The following C4orf54 variants were observed in gnomAD, a reference collection of about 807,000 sequenced individuals.
The protein encoded by C4orf54 is uncharacterized protein C4orf54.
In C4orf54, 67 loss-of-function variants were observed where a neutral mutation model predicts 80.1. The ratio of observed to expected loss-of-function variants is 0.84; its 90% CI spans 0.69 to 1.03. The LOEUF is 1.03. Among genes scored for constraint, C4orf54 ranks in the 50% least tolerant of loss-of-function variants. C4orf54 has a pLI of 0.00. For synonymous variants in C4orf54, 1,000 were observed against 917.0 expected, an observed-to-expected ratio of 1.09 and a Z score of -1.64; for missense variants, 2,434 against 2,253.5, an observed-to-expected ratio of 1.08 and a Z score of -1.62.
At chr4:99,642,727 T>C (rs769618509) in intron 2 of C4orf54, among the ~76,000 whole-genome samples, 2 of 152,226 alleles carry the variant, frequency 1.3e-5, no homozygotes, top group Non-Finnish European at 2.9e-5. Context: ...GATGAAGGGA[T>C]GACTACCCTG....
In C4orf54 at chr4:99,651,754, C is replaced by A; in HGVS notation, c.2895G>T (p.Lys965Asn). The change falls in exon 2 of 3, where the codon AAG (lysine) becomes AAT (asparagine). Residue 965 changes from lysine (K) to asparagine (N), a missense_variant. Physicochemically the swap from Lys to Asn is moderately conservative, Grantham distance 94. Transcript: ENST00000511828. ...CCCGCCAGTCGCCTCCTTTGGGCAG[C>A]TTCAGCTTCCCTATAGGGGCTTGTT... The part of the protein sequence containing the change: ...REEQAPIGKL[K>N]LPKGGDWRAD... 1 of 1,536,092 alleles carries A rather than the reference C, an allele frequency of 6.5e-7. No individual in the cohort carries two copies. Among genetic ancestry groups the A allele is most frequent in the Non-Finnish European group, 8.7e-7 (1 of 1,146,906 alleles).
rs871321 is a variant in C4orf54, at chr4:99,657,506, C to A, written c.-43G>T. Reference sequence around the variant, plus strand: ...ACAGTAGTACTTACCTCCAAAGTATCTGTGTGGCTCCTTTACTGCTTTCTA... The same window carrying A: ...ACAGTAGTACTTACCTCCAAAGTATATGTGTGGCTCCTTTACTGCTTTCTA... On this transcript the variant is annotated 5_prime_UTR_variant, in exon 1 of 3. Coordinates refer to ENST00000511828, the MANE Select transcript of C4orf54 (RefSeq NM_001354435.2). Among the ~76,000 whole-genome samples, 1,290 of 152,224 alleles carry A rather than the reference C, an allele frequency of 8.5e-3. 15 individuals are homozygous for A. Among genetic ancestry groups the A allele is most frequent in the African/African-American group, 0.029 (1,223 of 41,532 alleles).
At position 99,650,664 on chromosome 4, in the gene C4orf54, CA is replaced by C. The variant is rs1560638171; in HGVS notation, c.3984del (p.Gly1329ValfsTer9). The stretch of plus-strand genomic sequence containing the variant: ...ATGGGGGCCCCTCGCAGGACCACAC[CA>C]GCTTTGTTTCCTGTGCCCCGCTCTT... ...EVEERGTGNKAGVVLRGAPIE... is the reference protein window; with the variant it reads ...EVEERGTGNKXGVVLRGAPIE... On this transcript the variant is annotated frameshift_variant, in exon 2 of 3. Coordinates refer to ENST00000511828, the MANE Select transcript of C4orf54 (RefSeq NM_001354435.2). LOFTEE classifies it high-confidence loss of function. The C allele has an allele frequency of 2.6e-6, 4 of 1,536,094 alleles. No homozygotes were observed. Among genetic ancestry groups the C allele is most frequent in the Non-Finnish European group, 3.5e-6 (4 of 1,146,898 alleles).
chr4:99,656,378 C>A (rs909593530), intron 1 of C4orf54, among the ~76,000 whole-genome samples: 12 of 151,602 alleles, frequency 7.9e-5, no homozygotes, highest in African/African-American at 2.9e-4. Context: ...CTCTCGGGTT[C>A]AAGCAATTCT....
Position 99,654,010 on chromosome 4 carries a change from A to C in C4orf54, c.639T>G (p.Leu213=). Residue 213 remains leucine (L), a synonymous_variant, in exon 2 of 3, where the codon CTT becomes CTG. Transcript: ENST00000511828. ...VQRESPQTMK[L]TLGHCPGGQR... is the part of the protein sequence containing the mutation. Reference sequence around the variant, plus strand: ...GACCCCCAGGGCAGTGCCCCAGGGTAAGTTTCATGGTCTGGGGACTCTCCC... The same window carrying C: ...GACCCCCAGGGCAGTGCCCCAGGGTCAGTTTCATGGTCTGGGGACTCTCCC... The C allele has an allele frequency of 1.3e-6, 2 of 1,536,028 alleles. No individual in the cohort carries two copies. Among genetic ancestry groups the C allele is most frequent in the Non-Finnish European group, 1.7e-6 (2 of 1,146,890 alleles).
Position 99,652,193 on chromosome 4 carries a change from T to C in C4orf54, c.2456A>G (p.Lys819Arg). The C allele has an allele frequency of 6.5e-7, 1 of 1,536,024 alleles. No individual in the cohort carries two copies. Among genetic ancestry groups the C allele is most frequent in the Non-Finnish European group, 8.7e-7 (1 of 1,146,870 alleles). ...GAACTCGTGTTCCCGCTGCATCTTCTTGGAAATGACATTTTTGAGCAGACT... is the reference window on the plus strand; with the variant it reads ...GAACTCGTGTTCCCGCTGCATCTTCCTGGAAATGACATTTTTGAGCAGACT... ...ASSLLKNVIS[K>R]KMQREHEFKM... is the part of the protein sequence containing the mutation. The change falls in exon 2 of 3, where the codon AAG (lysine) becomes AGG (arginine). Residue 819 changes from lysine to arginine, a missense_variant. Transcript: ENST00000511828.
Position 99,650,340 on chromosome 4 carries a change from A to G in C4orf54, c.4309T>C (p.Ser1437Pro). The G allele has an allele frequency of 3.9e-6, 6 of 1,535,862 alleles. No individual in the cohort carries two copies. Among genetic ancestry groups the G allele is most frequent in the Non-Finnish European group, 5.2e-6 (6 of 1,146,854 alleles). The change falls in exon 2 of 3, where the codon TCC (serine) becomes CCC (proline). Residue 1437 changes from serine to proline, a missense_variant. Physicochemically the swap from Ser to Pro is moderately conservative, Grantham distance 74. Transcript: ENST00000511828. ...AKGIKSQGLR[S>P]LKISPATRAP... is the part of the protein sequence containing the mutation. ...CGGGTGGCTGGAGAGATCTTGAGGG[A>G]CCGGAGTCCCTGCGACTTGATGCCC... is the stretch of plus-strand genomic sequence containing the variant.
rs886728302 is a variant in C4orf54, at chr4:99,653,192, C to A, written c.1457G>T (p.Gly486Val). Residue 486 changes from glycine to valine, a missense_variant, in exon 2 of 3, where the codon GGC becomes GTC. By Grantham distance (109) the Gly-to-Val change is moderately radical. Transcript: ENST00000511828. ...CAAGGGCTCAGTCAGGGGGGCAGTG[C>A]CAGGCCCAGTGGGTGGGGGAGTGGG... Reference protein sequence around the residue: ...SGPTPPPTGPGTAPLTEPLPE... With the variant: ...SGPTPPPTGPVTAPLTEPLPE... 1.3e-6 allele frequency: 2 copies of A among 1,535,682 alleles called. No homozygotes were observed. The highest frequency in any genetic ancestry group is 1.7e-6 in the Non-Finnish European group (2 of 1,146,750).
chr4:99,650,283 T>C lies in C4orf54; in HGVS notation c.4366A>G (p.Ser1456Gly), dbSNP rs1726783681. 2.0e-6 allele frequency: 3 copies of C among 1,535,934 alleles called. No homozygotes were observed. Among genetic ancestry groups the C allele is most frequent in the African/African-American group, 2.7e-5 (2 of 72,998 alleles). ...TTGCTCTTCTCCAAATTGCTGCCAC[T>C]TTTCCTGTTGGTCACCTCATCAGGA... is the stretch of plus-strand genomic sequence containing the variant. Reference protein sequence around the residue: ...APPDEVTNRKSGSNLEKSNSD... With the variant: ...APPDEVTNRKGGSNLEKSNSD... The change falls in exon 2 of 3, where the codon AGT becomes GGT. Residue 1456 changes from serine (S) to glycine (G), a missense_variant. Transcript: ENST00000511828.
chr4:99,651,109 G>T lies in C4orf54; in HGVS notation c.3540C>A (p.Ser1180Arg), dbSNP rs1184326076. Residue 1180 changes from serine (S) to arginine (R), a missense_variant, in exon 2 of 3, where the codon AGC becomes AGA. Coordinates refer to ENST00000511828, the MANE Select transcript of C4orf54 (RefSeq NM_001354435.2). The stretch of plus-strand genomic sequence containing the variant: ...CTGGGGAGGAAGAATTCAAGACTCT[G>T]CTGCCGCCCCCTTTGCCCATGCTTT... ...PRESMGKGGG[S>R]RVLNSSSPEG... The T allele has an allele frequency of 6.5e-7, 1 of 1,536,142 alleles. No homozygotes were observed. The highest frequency in any genetic ancestry group is 2.0e-5 in the Admixed American group (1 of 51,010).
At position 99,637,437 on chromosome 4, in the gene C4orf54, C is replaced by T. The variant is rs12641768; in HGVS notation, c.*3796G>A. The T allele has an allele frequency of 4.6e-5, 7 of 151,834 alleles. No homozygotes were observed. Among genetic ancestry groups the T allele is most frequent in the Non-Finnish European group, 8.8e-5 (6 of 67,940 alleles). The allele number at this position is 151,834 out of a possible 1,614,324, so 9.4% of individuals were successfully genotyped here. A position where few individuals can be genotyped will look rare whatever the true frequency, so the allele number is the denominator to read the frequency against. The stretch of plus-strand genomic sequence containing the variant: ...GGACATGTTTTTTTCCCAGAGGACC[C>T]GAGTCTGCAATTCTGATTAGATTCA... On this transcript the variant is annotated 3_prime_UTR_variant, in exon 3 of 3. Coordinates refer to ENST00000511828, the MANE Select transcript of C4orf54 (RefSeq NM_001354435.2).
chr4:99,652,316 C>T lies in C4orf54; in HGVS notation c.2333G>A (p.Gly778Asp). The change falls in exon 2 of 3, where the codon GGT becomes GAT. Residue 778 changes from glycine to aspartate, a missense_variant. Gly to Asp is a moderately conservative substitution (Grantham distance 94). Transcript: ENST00000511828. ...PGRATKGPGK[G>D]PGSAYTDDGS... The stretch of plus-strand genomic sequence containing the variant: ...GTCGTCCGTGTATGCCGACCCGGGA[C>T]CCTTGCCGGGGCCTTTGGTGGCCCT... 6.5e-7 allele frequency: 1 copy of T among 1,535,866 alleles called. No homozygotes were observed. Among genetic ancestry groups the T allele is most frequent in the Non-Finnish European group, 8.7e-7 (1 of 1,146,822 alleles).
chr4:99,654,224 C>T lies in C4orf54; in HGVS notation c.425G>A (p.Gly142Glu). The change falls in exon 2 of 3, where the codon GGG (glycine) becomes GAG (glutamate). Residue 142 changes from glycine (G) to glutamate (E), a missense_variant. Transcript: ENST00000511828. ...AGGAGGGGCAGCTTCCATTATGAGC[C>T]CTTGCCCAGGTTTCAGCGACAGGAA... ...CLFLSLKPGQGLIMEAAPPEL... is the reference protein window; with the variant it reads ...CLFLSLKPGQELIMEAAPPEL... 6.5e-7 allele frequency: 1 copy of T among 1,536,154 alleles called. No individual in the cohort carries two copies. Among genetic ancestry groups the T allele is most frequent in the Non-Finnish European group, 8.7e-7 (1 of 1,146,902 alleles).
Position 99,652,807 on chromosome 4 carries a change from G to C in C4orf54, c.1842C>G (p.Ser614Arg), listed in dbSNP as rs1012875500. The C allele has an allele frequency of 1.3e-6, 2 of 1,536,080 alleles. No homozygotes were observed. The highest frequency in any genetic ancestry group is 2.0e-5 in the Admixed American group (1 of 51,004). ...DYSSGASSAV[S>R]ELDDADKEVR... is the part of the protein sequence containing the mutation. ...CCTCTTTGTCCGCATCGTCCAGTTC[G>C]CTCACGGCACTGGAGGCTCCGCTGG... Residue 614 changes from serine to arginine, a missense_variant, in exon 2 of 3, where the codon AGC (serine) becomes AGG (arginine). By Grantham distance (110) the Ser-to-Arg change is moderately radical. Coordinates refer to ENST00000511828, the MANE Select transcript of C4orf54 (RefSeq NM_001354435.2).
At position 99,650,677 on chromosome 4, in the gene C4orf54, T is replaced by G; in HGVS notation, c.3972A>C (p.Thr1324=). 6.5e-7 allele frequency: 1 copy of G among 1,536,134 alleles called. No individual in the cohort carries two copies. The highest frequency in any genetic ancestry group is 8.7e-7 in the Non-Finnish European group (1 of 1,146,912). ...GCAGGACCACACCAGCTTTGTTTCC[T>G]GTGCCCCGCTCTTCCACCTCACCCA... The part of the protein sequence containing the change: ...KRLGEVEERG[T]GNKAGVVLRG... Residue 1324 remains threonine, a synonymous_variant, in exon 2 of 3, where the codon ACA becomes ACC. Coordinates refer to ENST00000511828, the MANE Select transcript of C4orf54 (RefSeq NM_001354435.2).
chr4:99,649,455 C>G lies in C4orf54; in HGVS notation c.5194G>C (p.Gly1732Arg). ...FTEAPYFMAS[G>R]QSPASSTSSA... ...GAGGTTGAGGAGGCCGGAGACTGACCAGAAGCCATGAAGTATGGGGCCTCG... is the reference window on the plus strand; with the variant it reads ...GAGGTTGAGGAGGCCGGAGACTGACGAGAAGCCATGAAGTATGGGGCCTCG... The change falls in exon 2 of 3, where the codon GGT becomes CGT. Residue 1732 changes from glycine to arginine, a missense_variant. Physicochemically the swap from Gly to Arg is moderately radical, Grantham distance 125. Coordinates refer to ENST00000511828, the MANE Select transcript of C4orf54 (RefSeq NM_001354435.2). 1.3e-6 allele frequency: 2 copies of G among 1,536,160 alleles called. No homozygotes were observed. The highest frequency in any genetic ancestry group is 1.7e-6 in the Non-Finnish European group (2 of 1,146,928).
At chr4:99,645,195 G>A (rs755829349) in intron 2 of C4orf54, among the ~76,000 whole-genome samples, 11 of 151,842 alleles carry the variant, frequency 7.2e-5, no homozygotes, top group Admixed American at 1.3e-4. Context: ...CAAAGAGACT[G>A]GGTTTGATGA....
chr4:99,647,581 A>G (rs1043528429), intron 2 of C4orf54, among the ~76,000 whole-genome samples: 7 of 152,028 alleles, frequency 4.6e-5, no homozygotes, highest in African/African-American at 1.5e-4. Flanking sequence ...TCCCAGAAGA[A>G]GAATTTAAAT....
At chr4:99,644,195 G>T (rs997863581) in intron 2 of C4orf54, among the ~76,000 whole-genome samples, 4 of 152,046 alleles carry the variant, frequency 2.6e-5, no homozygotes, top group South Asian at 2.1e-4. Context: ...TGTTTAATTT[G>T]TCAAACAGAG....
Sources: allele counts gnomAD v4.1 joint callset (sites outside exome capture counted in the v4.1 genomes callset), GRCh38; gene constraint gnomAD v4.1.1; transcripts MANE v1.5; gene names NCBI Gene and HGNC (gene_info 2026-07-23, HGNC 2026-07-21).